STK32B: variants seen among roughly 807,000 people sequenced by gnomAD.
The protein encoded by STK32B is serine/threonine-protein kinase 32B.
STK32B carries 43 observed loss-of-function variants against 52.6 expected under a neutral mutation model. The ratio of observed to expected loss-of-function variants is 0.82; its 90% confidence interval spans 0.64 to 1.05. The LOEUF is 1.05. STK32B is among the 50% of genes least tolerant of loss of function. The pLI, the probability that STK32B is intolerant of heterozygous loss-of-function variation, is 0.00. For missense variants in STK32B, 621 were observed against 534.6 expected, an observed-to-expected ratio of 1.16 and a Z score of -1.59; for synonymous variants, 238 against 204.3, an observed-to-expected ratio of 1.17 and a Z score of -1.41.
At chr4:5,229,983 C>T (rs75834976) in intron 3 of STK32B, among the ~76,000 whole-genome samples, 2 of 151,684 alleles carry the variant, frequency 1.3e-5, no homozygotes. Flanking sequence ...AAACCTACTA[C>T]TTTATCTTAT....
Position 5,491,839 on chromosome 4 carries a change from C to A in STK32B, c.1107-7106C>A, listed in dbSNP as rs550365762. On this transcript the variant is annotated intron_variant, in intron 11 of 11. Coordinates refer to ENST00000282908, the MANE Select transcript of STK32B (RefSeq NM_018401.3). ...AGCACCATTTATTAAATAGGGAATC[C>A]TTTCCCCATTGCTTGTTTTTCTCAG... 8.3e-3 allele frequency among the ~76,000 whole-genome samples: 1,262 copies of A among 152,200 alleles called. 16 individuals carry two copies. Among genetic ancestry groups the A allele is most frequent in the African/African-American group, 0.029 (1,198 of 41,508 alleles).
At chr4:5,270,308 C>T (rs1421588001) in intron 3 of STK32B, among the ~76,000 whole-genome samples, 3 of 152,150 alleles carry the variant, frequency 2.0e-5, no homozygotes. Context: ...GTCTGATGCT[C>T]GAAGGCAGGA....
chr4:5,030,324 G>A, the STK32B span, among the ~76,000 whole-genome samples: 2 of 152,112 alleles, frequency 1.3e-5, no homozygotes, highest in Non-Finnish European at 2.9e-5. Flanking sequence ...ATCAGATTTG[G>A]GATTTCCTGA....
At chr4:5,213,420 G>T (rs1306850358) in intron 3 of STK32B, among the ~76,000 whole-genome samples, 1 of 152,196 alleles carries the variant, frequency 6.6e-6, no homozygotes, top group Non-Finnish European at 1.5e-5. Context: ...ATGAAATCCA[G>T]ATTCCTTTCT....
chr4:5,422,899 G>A (rs1712761970), intron 6 of STK32B, among the ~76,000 whole-genome samples: 1 of 152,196 alleles, frequency 6.6e-6, no homozygotes, highest in East Asian at 1.9e-4. Flanking sequence ...GCTCTGCTGG[G>A]TAACGATAGA....
the STK32B span, among the ~76,000 whole-genome samples, chr4:5,033,966 G>A: frequency 6.6e-6 from 1 of 152,176 alleles, no homozygotes; most frequent in Non-Finnish European, 1.5e-5. Flanking sequence ...GGTGTTTTGT[G>A]AATTGAGCTA....
At chr4:5,131,519 C>G (rs1035130449) in intron 1 of STK32B, among the ~76,000 whole-genome samples, 1 of 152,170 alleles carries the variant, frequency 6.6e-6, no homozygotes, top group Non-Finnish European at 1.5e-5. Flanking sequence ...GAGCCCTTAC[C>G]CCAGCCTGTG....
chr4:5,317,099 TATA>T (rs1222664742), intron 3 of STK32B, among the ~76,000 whole-genome samples: 2 of 38,764 alleles, frequency 5.2e-5, no homozygotes, highest in Non-Finnish European at 7.4e-5. Flanking sequence ...ATATATATGA[TATA>T]ATATATAATA....
chr4:5,442,973 C>T lies in STK32B; in HGVS notation c.563-3700C>T, dbSNP rs1427274423. ...CTTGTAGGGTGTCTGCCGAGAGATCCGCTGTTAGTCTGATGGGCTTCCCTT... is the reference window on the plus strand; with the variant it reads ...CTTGTAGGGTGTCTGCCGAGAGATCTGCTGTTAGTCTGATGGGCTTCCCTT... On this transcript the variant is annotated intron_variant, in intron 6 of 11. Transcript: ENST00000282908. Among the ~76,000 whole-genome samples, 50 of 151,800 alleles carry T rather than the reference C, an allele frequency of 3.3e-4. 1 individual carries two copies. The highest frequency in any genetic ancestry group is 1.5e-3 in the South Asian group (7 of 4,760).
chr4:5,089,542 T>C (rs1233671969), intron 1 of STK32B, among the ~76,000 whole-genome samples: 3 of 152,210 alleles, frequency 2.0e-5, no homozygotes, highest in Non-Finnish European at 4.4e-5. Context: ...CTGCCTAGTA[T>C]TTCATGGTGT....
intron 9 of STK32B, among the ~76,000 whole-genome samples, chr4:5,466,493 C>A (rs1717442900): frequency 6.6e-6 from 1 of 152,014 alleles, no homozygotes; most frequent in Non-Finnish European, 1.5e-5. Context: ...TGCGGTTGCC[C>A]CAGGGGGACT....
At chr4:5,119,570 T>G (rs1417886752) in intron 1 of STK32B, among the ~76,000 whole-genome samples, 1 of 152,272 alleles carries the variant, frequency 6.6e-6, no homozygotes. Flanking sequence ...TCCAGGCTTC[T>G]GTTCTCAAGG....
At chr4:5,370,715 G>T (rs1003284410) in intron 4 of STK32B, among the ~76,000 whole-genome samples, 2 of 152,050 alleles carry the variant, frequency 1.3e-5, no homozygotes, top group Non-Finnish European at 2.9e-5. Flanking sequence ...TCTGACAGCC[G>T]GGCATAGTGG....
intron 11 of STK32B, among the ~76,000 whole-genome samples, chr4:5,482,483 G>A (rs1177464682): frequency 6.6e-6 from 1 of 152,040 alleles, no homozygotes; most frequent in South Asian, 2.1e-4. Flanking sequence ...AGGAGATTTT[G>A]GGCTGAGATG....
intron 7 of STK32B, among the ~76,000 whole-genome samples, chr4:5,452,827 CATA>C (rs1340310205): frequency 6.6e-6 from 1 of 152,016 alleles, no homozygotes; most frequent in Non-Finnish European, 1.5e-5. Context: ...ACCCACACTC[CATA>C]ATAAGTATAT....
At chr4:5,134,405 TTTG>T (rs1490358298) in intron 1 of STK32B, among the ~76,000 whole-genome samples, 1 of 152,120 alleles carries the variant, frequency 6.6e-6, no homozygotes, top group Non-Finnish European at 1.5e-5. Context: ...CTCTTGCTCC[TTTG>T]TTATCTTGCG....
chr4:5,072,026 T>G (rs966693918), intron 1 of STK32B, among the ~76,000 whole-genome samples: 21 of 152,174 alleles, frequency 1.4e-4, no homozygotes, highest in African/African-American at 5.1e-4. Flanking sequence ...CCCCAACTCC[T>G]CATCTTTCTG....
intron 4 of STK32B, among the ~76,000 whole-genome samples, chr4:5,372,047 G>A (rs947033218): frequency 2.6e-5 from 4 of 152,372 alleles, no homozygotes; most frequent in Non-Finnish European, 5.9e-5. Flanking sequence ...TCACACTCAT[G>A]CCTGCAGGCA....
chr4:5,329,091 A>G (rs368546630), intron 3 of STK32B, among the ~76,000 whole-genome samples: 1 of 152,202 alleles, frequency 6.6e-6, no homozygotes, highest in Admixed American at 6.5e-5. Context: ...TGACAGGAAT[A>G]TTGGGAACGT....
Sources: gnomAD v4.1 joint callset for allele counts (sites outside exome capture counted in the v4.1 genomes callset) on GRCh38, gnomAD v4.1.1 for gene constraint, MANE v1.5 for transcripts, NCBI Gene and HGNC (gene_info 2026-07-23, HGNC 2026-07-21) for gene names.